The following SHTN1 variants were observed in gnomAD, a reference collection of about 807,000 sequenced individuals.
SHTN1 encodes shootin 1.
In SHTN1, 42 loss-of-function variants were observed where a neutral mutation model predicts 83.1. That is an observed-to-expected ratio of 0.51 (90% CI 0.39 to 0.65). SHTN1 has a LOEUF of 0.65. Ranked by LOEUF, SHTN1 falls within the 30% of genes least tolerant of loss-of-function variation. The pLI, the probability that SHTN1 is intolerant of heterozygous loss-of-function variation, is 0.00. For synonymous variants in SHTN1, 224 were observed against 247.7 expected (o/e 0.90, Z 0.90); for missense variants, 622 against 737.8 (o/e 0.84, Z 1.82).
chr10:116,945,216 T>C (rs1008130494), intron 7 of SHTN1, among the ~76,000 whole-genome samples, 198 bp from the exon 8 acceptor site: 8 of 152,202 alleles, frequency 5.3e-5, no homozygotes, highest in Non-Finnish European at 8.8e-5. Context: ...AAACTATTCA[T>C]ACACTTTGAA....
intron 11 of SHTN1, among the ~76,000 whole-genome samples, chr10:116,925,810 G>C (rs1022245403): frequency 3.9e-5 from 6 of 152,046 alleles, no homozygotes; most frequent in Admixed American, 3.9e-4. Context: ...GAAGGGAAAA[G>C]CAGTAAGCCA....
At chr10:116,901,604 G>A in intron 16 of SHTN1, 161 bp downstream of exon 16, 3 of 985,342 alleles carry the variant, frequency 3.0e-6, no homozygotes, top group Non-Finnish European at 3.6e-6. Flanking sequence ...CTCTTAGCTA[G>A]GAGCCTAGAA....
chr10:116,886,522 T>C lies in SHTN1; in HGVS notation c.1718A>G (p.Glu573Gly). The C allele has an allele frequency of 6.2e-7, 1 of 1,614,188 alleles. No individual in the cohort carries two copies. The highest frequency in any genetic ancestry group is 8.5e-7 in the Non-Finnish European group (1 of 1,180,030). The change falls in exon 17 of 17, where the codon GAA becomes GGA. Residue 573 changes from glutamate to glycine, a missense_variant. Around this residue, in one of 3 missense-constraint regions of SHTN1, gnomAD observed 231 missense variants for 251.6 expected, o/e 0.92. Coordinates refer to ENST00000355371, the MANE Select transcript of SHTN1 (RefSeq NM_001127211.3). ...IGCRKKYIDG[E>G]KQAEPVVVLD... is the part of the protein sequence containing the mutation. ...AACTACAACTGGTTCGGCTTGTTTT[T>C]CACCGTCAATGTATTTTTTCCTGCA... is the stretch of plus-strand genomic sequence containing the variant.
intron 13 of SHTN1, among the ~76,000 whole-genome samples, chr10:116,913,706 C>A (rs560929161): frequency 6.6e-6 from 1 of 152,192 alleles, no homozygotes; most frequent in East Asian, 1.9e-4. Context: ...AAAATGGATT[C>A]TTTTTCAAAG....
intron 1 of SHTN1, among the ~76,000 whole-genome samples, chr10:117,077,513 A>G (rs1334016970): frequency 1.3e-5 from 2 of 152,004 alleles, no homozygotes; most frequent in Non-Finnish European, 2.9e-5. Flanking sequence ...GTTTTAGGGT[A>G]CATGTGCACA....
Position 116,938,726 on chromosome 10 carries a change from G to A in SHTN1, c.858+1740C>T, listed in dbSNP as rs550562935. ...GAAATCTGCTGCTCTCTTCAGAGTC[G>A]GCAGGCAGGAACGTTTAAGCCGCTG... On this transcript the variant is annotated intron_variant, in intron 9 of 16. Transcript: ENST00000355371. Among the ~76,000 whole-genome samples the A allele has an allele frequency of 9.2e-4, 140 of 152,276 alleles. 4 individuals carry two copies. In the South Asian group the frequency reaches 0.022, roughly 24 times the overall value.
chr10:116,986,592 A>G (rs1851224975), intron 1 of SHTN1, among the ~76,000 whole-genome samples: 1 of 152,072 alleles, frequency 6.6e-6, no homozygotes, highest in Non-Finnish European at 1.5e-5. Flanking sequence ...ATAGAAAAGT[A>G]GCCACTGTTG....
chr10:117,052,034 G>A (rs1160122608), intron 1 of SHTN1, among the ~76,000 whole-genome samples: 5 of 13,758 alleles, frequency 3.6e-4, no homozygotes, highest in Non-Finnish European at 2.5e-4. Flanking sequence ...AAAAGCCTAA[G>A]GAATACACAA....
intron 1 of SHTN1, among the ~76,000 whole-genome samples, chr10:117,058,804 T>C (rs1334521387): frequency 6.6e-6 from 1 of 152,212 alleles, no homozygotes; most frequent in Non-Finnish European, 1.5e-5. Context: ...GAATACTATT[T>C]ACCCTTAAAA....
chr10:117,019,875 C>A (rs1211457202), intron 2 of SHTN1, among the ~76,000 whole-genome samples: 1 of 150,598 alleles, frequency 6.6e-6, no homozygotes, highest in African/African-American at 2.4e-5. Flanking sequence ...ATTGCTGAGA[C>A]ATAAAAGAAG....
chr10:117,081,001 C>T (rs1437266166), intron 1 of SHTN1, among the ~76,000 whole-genome samples: 3 of 151,910 alleles, frequency 2.0e-5, no homozygotes, highest in Non-Finnish European at 4.4e-5. Context: ...TTGACTTCCT[C>T]TTTTCCTAAT....
chr10:116,926,713 T>TA (rs74871135), intron 11 of SHTN1, among the ~76,000 whole-genome samples: 7,787 of 136,276 alleles, frequency 0.057, 601 homozygotes, highest in African/African-American at 0.18. Context: ...ATGAAAGGTT[T>TA]AAAAAAAAAA....
Position 116,969,321 on chromosome 10 carries a change from AT to A in SHTN1, c.112-610del, listed in dbSNP as rs60022552. ...CCAGGCGTGGTGGTGCGCACCTGTA[AT>A]CCCAGCTACTCGGGAGGCTGAGGCA... On this transcript the variant is annotated intron_variant, in intron 2 of 16. Transcript: ENST00000355371. Among the ~76,000 whole-genome samples, 289 of 152,204 alleles carry A rather than the reference AT, an allele frequency of 1.9e-3. 1 individual carries two copies. Among genetic ancestry groups the A allele is most frequent in the African/African-American group, 6.7e-3 (277 of 41,536 alleles).
Position 116,901,837 on chromosome 10 carries a change from G to C in SHTN1, c.1601C>G (p.Ser534Cys), listed in dbSNP as rs760201067. 3.1e-6 allele frequency: 5 copies of C among 1,605,336 alleles called. No individual in the cohort carries two copies. Among genetic ancestry groups the C allele is most frequent in the Non-Finnish European group, 8.5e-7 (1 of 1,177,560 alleles). The change falls in exon 16 of 17, where the codon TCC (serine) becomes TGC (cysteine). Residue 534 changes from serine (S) to cysteine (C), a missense_variant. Transcript: ENST00000355371. The stretch of plus-strand genomic sequence containing the variant: ...TTCACCTGGCTCAGGTGTTGGGGGG[G>C]ACGGGCTGTTGAATTCTGCCTCCAG... Reference protein sequence around the residue: ...KTLEAEFNSPSPPTPEPGEGP... With the variant: ...KTLEAEFNSPCPPTPEPGEGP...
At chr10:117,003,434 C>G (rs1428126675) in intron 1 of SHTN1, among the ~76,000 whole-genome samples, 1 of 150,146 alleles carries the variant, frequency 6.7e-6, no homozygotes, top group Admixed American at 6.7e-5. Context: ...TTTCTAGATG[C>G]TGGATATCAC....
intron 2 of SHTN1, among the ~76,000 whole-genome samples, chr10:117,026,576 C>T (rs1852335974): frequency 6.6e-6 from 1 of 152,192 alleles, no homozygotes; most frequent in African/African-American, 2.4e-5. Context: ...GTGTGCACCA[C>T]TATGCCCAGC....
At chr10:116,943,188 T>C (rs1280476240) in intron 8 of SHTN1, among the ~76,000 whole-genome samples, 5 of 152,212 alleles carry the variant, frequency 3.3e-5, no homozygotes, top group African/African-American at 4.8e-5. Flanking sequence ...GTCAGCATTA[T>C]TGTTTCCACC....
At position 117,069,973 on chromosome 10, in the gene SHTN1, T is replaced by C. The variant is rs74350204; in HGVS notation, c.-188-21463A>G. Reference sequence around the variant, plus strand: ...GTTCTATAAAAATTAAGTAATGAAATTGGAATTCAGAAACCCATTAGCAAG... The same window carrying C: ...GTTCTATAAAAATTAAGTAATGAAACTGGAATTCAGAAACCCATTAGCAAG... On this transcript the variant is annotated intron_variant, in intron 1 of 17. Coordinates refer to the SHTN1 transcript ENST00000392901. 1.7e-3 allele frequency among the ~76,000 whole-genome samples: 264 copies of C among 152,102 alleles called. 5 individuals are homozygous for C. Among genetic ancestry groups the C allele is most frequent in the Admixed American group, 0.013 (202 of 15,262 alleles).
chr10:116,934,764 C>T (rs1237806364), intron 9 of SHTN1, among the ~76,000 whole-genome samples: 3 of 152,038 alleles, frequency 2.0e-5, no homozygotes, highest in Non-Finnish European at 4.4e-5. Flanking sequence ...CTGGGCAGTA[C>T]AGCCATTTTC....
Sources: allele counts gnomAD v4.1 joint callset (sites outside exome capture counted in the v4.1 genomes callset), GRCh38; gene constraint gnomAD v4.1.1; regional missense constraint gnomAD v4.1.1; transcripts MANE v1.5; gene names NCBI Gene and HGNC (gene_info 2026-07-23, HGNC 2026-07-21).